ALG10: variants seen among roughly 807,000 people sequenced by gnomAD.
The protein encoded by ALG10 is ALG10 alpha-1,2-glucosyltransferase, also known as dol-P-Glc:Glc(2)Man(9)GlcNAc(2)-PP-Dol alpha-1,2-glucosyltransferase A.
ALG10 carries 25 observed loss-of-function variants against 39.2 expected under a neutral mutation model. That is an observed-to-expected ratio of 0.64 (90% CI 0.46 to 0.89). The LOEUF is 0.89. ALG10 is among the 40% of genes least tolerant of loss of function. The probability of loss-of-function intolerance (pLI) is 0.00; values close to 1 mark genes in which losing one functional copy is unlikely to be tolerated. For synonymous variants in ALG10, 184 were observed against 193.9 expected (o/e 0.95, Z 0.42); for missense variants, 486 against 546.6 (o/e 0.89, Z 1.11).
rs142189779 is a variant in ALG10 at position 34,024,489 on chromosome 12, A to G, written c.369+330A>G. On this transcript the variant is annotated intron_variant, in intron 2 of 2. Transcript: ENST00000266483. ...AGTCTTTTTCTTGTAAAACGTATAT[A>G]TTCATTAGGGAAAACAGACTTTACC... Among the ~76,000 whole-genome samples, 36 of 152,286 alleles carry G rather than the reference A, an allele frequency of 2.4e-4. No individual in the cohort carries two copies. In the East Asian group the frequency reaches 7.0e-3, roughly 29 times the overall value.
At chr12:34,022,843 T>C (rs1942792796) in intron 1 of ALG10, 73 bp downstream of exon 1, 2 of 1,600,494 alleles carry the variant, frequency 1.2e-6, no homozygotes, top group Non-Finnish European at 1.7e-6. Context: ...CTCCCATCCT[T>C]AGACTTCACT....
Position 34,024,547 on chromosome 12 carries a change from C to T in ALG10, c.369+388C>T, listed in dbSNP as rs544671193. On this transcript the variant is annotated intron_variant, in intron 2 of 2. Transcript: ENST00000266483. ...TTTTGATGTGATAACAGTGCAGGCC[C>T]TGGAGGTAGATTGCCTGGGTTAGAA... is the stretch of plus-strand genomic sequence containing the variant. Among the ~76,000 whole-genome samples the T allele has an allele frequency of 7.2e-5, 11 of 152,238 alleles. 2 individuals carry two copies. Among genetic ancestry groups the T allele is most frequent in the African/African-American group, 2.6e-4 (11 of 41,518 alleles).
rs1215158283 is a variant in ALG10, at chr12:34,026,239, T to C, written c.746T>C (p.Met249Thr). The C allele has an allele frequency of 1.2e-6, 2 of 1,614,164 alleles. No homozygotes were observed. Among genetic ancestry groups the C allele is most frequent in the Non-Finnish European group, 8.5e-7 (1 of 1,179,990 alleles). ...TCCATGTCCTTTAAAAACTTGAGTATGCTTTTGCTTCTGACTTGGCCCTAC... is the reference window on the plus strand; with the variant it reads ...TCCATGTCCTTTAAAAACTTGAGTACGCTTTTGCTTCTGACTTGGCCCTAC... ...AYSMSFKNLSMLLLLTWPYIL... is the reference protein window; with the variant it reads ...AYSMSFKNLSTLLLLTWPYIL... Residue 249 changes from methionine to threonine, a missense_variant, in exon 3 of 3, where the codon ATG (methionine) becomes ACG (threonine). Transcript: ENST00000266483.
At chr12:34,025,038 C>A (rs1419586411) in intron 2 of ALG10, among the ~76,000 whole-genome samples, 1 of 151,980 alleles carries the variant, frequency 6.6e-6, no homozygotes, top group Non-Finnish European at 1.5e-5. Context: ...CATTGAACAA[C>A]GAGTTGCAGG....
Position 34,026,396 on chromosome 12 carries a change from T to C in ALG10, c.903T>C (p.Phe301=). 1 of 1,614,040 alleles carries C rather than the reference T, an allele frequency of 6.2e-7. No individual in the cohort carries two copies. Among genetic ancestry groups the C allele is most frequent in the Non-Finnish European group, 8.5e-7 (1 of 1,179,958 alleles). Residue 301 remains phenylalanine (F), a synonymous_variant, in exon 3 of 3, where the codon TTT becomes TTC. Coordinates refer to ENST00000266483, the MANE Select transcript of ALG10 (RefSeq NM_032834.4). ...LFYFFSFTLF[F]SFPHLLSPSK... ...ACTTTTTTTCATTTACTCTCTTTTT[T>C]TCCTTTCCTCATCTCCTGTCTCCTA...
chr12:34,023,896 G>C (rs1228151181), intron 1 of ALG10, 66 bp from the exon 2 acceptor site: 9 of 1,582,432 alleles, frequency 5.7e-6, no homozygotes, highest in Non-Finnish European at 6.9e-6. Flanking sequence ...ACTTGGGCTT[G>C]ACATATTTGT....
chr12:34,022,875 G>C, intron 1 of ALG10, 105 bp downstream of exon 1: 2 of 1,499,870 alleles, frequency 1.3e-6, no homozygotes, highest in Non-Finnish European at 1.8e-6. Flanking sequence ...ACCCCCTCAA[G>C]CCTCAGAACA....
In ALG10 at chr12:34,022,703, A is replaced by G. The variant is rs781587193; in HGVS notation, c.104A>G (p.Tyr35Cys). Residue 35 changes from tyrosine to cysteine, a missense_variant, in exon 1 of 3, where the codon TAC (tyrosine) becomes TGC (cysteine). Physicochemically the swap from Tyr to Cys is radical, Grantham distance 194 (BLOSUM62 -2). Coordinates refer to ENST00000266483, the MANE Select transcript of ALG10 (RefSeq NM_032834.4). The stretch of plus-strand genomic sequence containing the variant: ...TTCAGCCGGGCGTTGCGAGAGCCCT[A>G]CATGGACGAGATCTTCCACCTGCCT... ...SAFSRALREP[Y>C]MDEIFHLPQA... 25 of 1,613,908 alleles carry G rather than the reference A, an allele frequency of 1.5e-5. No homozygotes were observed. The highest frequency in any genetic ancestry group is 3.3e-5 in the South Asian group (3 of 91,082).
In ALG10 at chr12:34,027,230, G is replaced by C; in HGVS notation, c.*315G>C. On this transcript the variant is annotated 3_prime_UTR_variant, in exon 3 of 3. Transcript: ENST00000266483. ...TGTATGTACAAGTTTATTAAAACTG[G>C]GTATGCTTCATATTACTGGAATGAA... The C allele has an allele frequency of 5.2e-6, 1 of 193,000 alleles. No homozygotes were observed. The highest frequency in any genetic ancestry group is 1.0e-5 in the Non-Finnish European group (1 of 95,604). 12.0% of individuals were successfully genotyped at this position (193,000 alleles called of 1,614,324 possible).
chr12:34,025,887 T>C lies in ALG10; in HGVS notation c.394T>C (p.Leu132=). The part of the protein sequence containing the change: ...NKAASSIQRV[L]STLTLAVFPT... ...GGCTGCCTCAAGTATCCAGAGAGTC[T>C]TGTCAACATTAACACTAGCAGTATT... The change falls in exon 3 of 3, where the codon TTG becomes CTG. Residue 132 remains leucine (L), a synonymous_variant. Coordinates refer to ENST00000266483, the MANE Select transcript of ALG10 (RefSeq NM_032834.4). The C allele has an allele frequency of 6.2e-7, 1 of 1,614,066 alleles. No individual in the cohort carries two copies. The highest frequency in any genetic ancestry group is 8.5e-7 in the Non-Finnish European group (1 of 1,179,920).
rs1173516085 is a variant in ALG10, at chr12:34,027,718, C to T, written c.*803C>T. The T allele has an allele frequency of 2.6e-5, 4 of 152,150 alleles. No homozygotes were observed. The highest frequency in any genetic ancestry group is 9.7e-5 in the African/African-American group (4 of 41,432). 9.4% of individuals were successfully genotyped at this position (152,150 alleles called of 1,614,324 possible). On this transcript the variant is annotated 3_prime_UTR_variant, in exon 3 of 3. Transcript: ENST00000266483. ...AACTTGGGTGCTTACAACAATTTTC[C>T]TCACAGTCTGGAGGCCAGAAGTCTA...
chr12:34,025,506 A>G (rs1942820972), intron 2 of ALG10, among the ~76,000 whole-genome samples: 1 of 152,180 alleles, frequency 6.6e-6, no homozygotes, highest in African/African-American at 2.4e-5. Flanking sequence ...AGCTCAGGGA[A>G]ATGGAGCCAG....
chr12:34,027,094 A>G lies in ALG10; in HGVS notation c.*179A>G, dbSNP rs1942842260. ...TAAGAAATTAAGTGGCAAAGAACTG[A>G]GAAAGCTTAAGACCTGCTTCAAAAG... On this transcript the variant is annotated 3_prime_UTR_variant, in exon 3 of 3. Transcript: ENST00000266483. 7 of 618,700 alleles carry G rather than the reference A, an allele frequency of 1.1e-5. No individual in the cohort carries two copies. The highest frequency in any genetic ancestry group is 1.3e-5 in the Non-Finnish European group (5 of 395,506). 38.3% of individuals were successfully genotyped at this position (618,700 alleles called of 1,614,324 possible).
intron 2 of ALG10, among the ~76,000 whole-genome samples, chr12:34,025,038 C>T (rs1419586411): frequency 6.6e-6 from 1 of 151,980 alleles, no homozygotes; most frequent in East Asian, 1.9e-4. Flanking sequence ...CATTGAACAA[C>T]GAGTTGCAGG....
chr12:34,023,840 G>A (rs1942804403), intron 1 of ALG10, 122 bp from the exon 2 acceptor site: 1 of 1,328,476 alleles, frequency 7.5e-7, no homozygotes, highest in Admixed American at 1.7e-5. Context: ...ACTTAATCTT[G>A]TCATAGAATA....
chr12:34,025,861 A>C lies in ALG10; in HGVS notation c.370-2A>C. 6.2e-7 allele frequency: 1 copy of C among 1,613,914 alleles called. No individual in the cohort carries two copies. The highest frequency in any genetic ancestry group is 1.3e-5 in the African/African-American group (1 of 75,026). On this transcript the variant is annotated splice_acceptor_variant, in intron 2 of 2. Coordinates refer to ENST00000266483, the MANE Select transcript of ALG10 (RefSeq NM_032834.4). LOFTEE classifies it high-confidence loss of function. Reference sequence around the variant, plus strand: ...TTTATCTGTGTTTCTTCTTCCTCCAAGGCTGCCTCAAGTATCCAGAGAGTC... The same window carrying C: ...TTTATCTGTGTTTCTTCTTCCTCCACGGCTGCCTCAAGTATCCAGAGAGTC...
chr12:34,026,750 T>C lies in ALG10; in HGVS notation c.1257T>C (p.Ile419=). 2 of 1,613,962 alleles carry C rather than the reference T, an allele frequency of 1.2e-6. No homozygotes were observed. Among genetic ancestry groups the C allele is most frequent in the Non-Finnish European group, 1.7e-6 (2 of 1,179,886 alleles). The change falls in exon 3 of 3, where the codon ATT becomes ATC. Residue 419 remains isoleucine (I), a synonymous_variant. Transcript: ENST00000266483. ...AACTGCTGGAATTTCGTTACTTCAT[T>C]TTACCTTATGTCATTTATAGGCTTA... ...PQKLLEFRYF[I]LPYVIYRLNI...
chr12:34,024,578 T>C (rs1565602865), intron 2 of ALG10, among the ~76,000 whole-genome samples: 2 of 152,198 alleles, frequency 1.3e-5, no homozygotes, highest in Non-Finnish European at 2.9e-5. Flanking sequence ...TAGAATTCTC[T>C]CCCTGCCACT....
At position 34,027,116 on chromosome 12, in the gene ALG10, A is replaced by G. The variant is rs954639321; in HGVS notation, c.*201A>G. On this transcript the variant is annotated 3_prime_UTR_variant, in exon 3 of 3. Transcript: ENST00000266483. ...CTGAGAAAGCTTAAGACCTGCTTCA[A>G]AAGCCTGAAAAATGGAAAAATAAAA... 61 of 486,672 alleles carry G rather than the reference A, an allele frequency of 1.3e-4. No individual in the cohort carries two copies. Among genetic ancestry groups the G allele is most frequent in the Non-Finnish European group, 4.4e-5 (13 of 294,822 alleles). The allele number at this position is 486,672 out of a possible 1,614,324, so 30.1% of individuals were successfully genotyped here.
Sources: allele counts gnomAD v4.1 joint callset (sites outside exome capture counted in the v4.1 genomes callset), GRCh38; gene constraint gnomAD v4.1.1; transcripts MANE v1.5; gene names NCBI Gene and HGNC (gene_info 2026-07-23, HGNC 2026-07-21).